Variants in CDK12 observed in about 807,000 individuals in gnomAD.
CDK12 encodes cyclin dependent kinase 12.
Under a neutral mutation model 133.8 loss-of-function variants are expected in CDK12, and 17 were observed. That is an observed-to-expected ratio of 0.13 (90% CI 0.09 to 0.19). The LOEUF (loss-of-function observed/expected upper bound fraction) is 0.19. Ranked by LOEUF, CDK12 falls within the 10% of genes least tolerant of loss-of-function variation. The pLI is 1.00. For missense variants in CDK12, 1,508 were observed against 1,818.7 expected, an observed-to-expected ratio of 0.83 and a Z score of 3.11; for synonymous variants, 694 against 683.6, an observed-to-expected ratio of 1.02 and a Z score of -0.24.
chr17:39,489,739 G>T (rs1328719269), intron 2 of CDK12, among the ~76,000 whole-genome samples: 1 of 141,896 alleles, frequency 7.0e-6, no homozygotes, highest in Non-Finnish European at 1.5e-5. Flanking sequence ...TGATCTGCCC[G>T]CCTCAGCCTC....
chr17:39,489,187 T>A (rs1339038947), intron 2 of CDK12, among the ~76,000 whole-genome samples: 1 of 151,588 alleles, frequency 6.6e-6, no homozygotes, highest in African/African-American at 2.4e-5. Flanking sequence ...TTCAAGCAGT[T>A]CTCCTGCCTC....
rs1395298423 is a variant in CDK12 at position 39,524,792 on chromosome 17, T to A, written c.3214T>A (p.Ser1072Thr). The change falls in exon 12 of 14, where the codon TCA becomes ACA. Residue 1072 changes from serine to threonine, a missense_variant. Physicochemically the swap from Ser to Thr is moderately conservative, Grantham distance 58 (BLOSUM62 1). This residue lies in a region of CDK12 where 399 missense variants were observed against 469.6 expected (regional missense o/e 0.85). Transcript: ENST00000447079. ...PSKTSRKETTSGTSTEPVKNS... is the reference protein window; with the variant it reads ...PSKTSRKETTTGTSTEPVKNS... Reference sequence around the variant, plus strand: ...CAAAACTTCTCGAAAAGAAACTACCTCAGGGACAAGTACTGAGCCTGTGAA... The same window carrying A: ...CAAAACTTCTCGAAAAGAAACTACCACAGGGACAAGTACTGAGCCTGTGAA... 6.2e-7 allele frequency: 1 copy of A among 1,614,162 alleles called. No individual in the cohort carries two copies. The highest frequency in any genetic ancestry group is 1.7e-5 in the Admixed American group (1 of 60,022).
Position 39,531,274 on chromosome 17 carries a change from A to G in CDK12, c.4431A>G (p.Arg1477=), listed in dbSNP as rs763653328. ...AYGKLYRGPT[R]VPPRGGRGRG... is the part of the protein sequence containing the mutation. ...GAAAACTCTATCGGGGGCCTACAAG[A>G]GTCCCACCAAGAGGGGGAAGAGGGA... The change falls in exon 14 of 14, where the codon AGA becomes AGG. Residue 1477 remains arginine (R), a synonymous_variant. Transcript: ENST00000447079. The G allele has an allele frequency of 2.0e-6, 3 of 1,501,576 alleles. No homozygotes were observed. The highest frequency in any genetic ancestry group is 2.7e-6 in the Non-Finnish European group (3 of 1,128,552). The allele number at this position is 1,501,576 out of a possible 1,614,324, so 93.0% of individuals were successfully genotyped here.
chr17:39,477,404 T>G (rs1181528584), intron 2 of CDK12, among the ~76,000 whole-genome samples: 1 of 148,550 alleles, frequency 6.7e-6, no homozygotes, highest in Admixed American at 6.8e-5. Flanking sequence ...CCCAGCTCAT[T>G]TTTTTGTATT....
chr17:39,530,500 G>C (rs1027524120), intron 13 of CDK12, 104 bp from the exon 14 acceptor site: 8 of 1,429,514 alleles, frequency 5.6e-6, no homozygotes, highest in Middle Eastern at 5.3e-4. Flanking sequence ...TATATATCTG[G>C]TTACTTATAT....
intron 12 of CDK12, 85 bp downstream of exon 12, chr17:39,524,970 G>T: frequency 8.3e-7 from 1 of 1,205,738 alleles, no homozygotes; most frequent in Non-Finnish European, 1.2e-6. Flanking sequence ...TTGTGTGTGT[G>T]TCTGTTTTTT....
intron 3 of CDK12, among the ~76,000 whole-genome samples, chr17:39,490,957 C>A (rs1442605146): frequency 6.6e-6 from 1 of 152,096 alleles, no homozygotes; most frequent in African/African-American, 2.4e-5. Flanking sequence ...AGAAAATTCC[C>A]AAATCCAGAT....
chr17:39,498,780 C>G (rs1225225776), intron 5 of CDK12, among the ~76,000 whole-genome samples: 3 of 152,030 alleles, frequency 2.0e-5, no homozygotes, highest in Non-Finnish European at 4.4e-5. Flanking sequence ...TCACCTCAGC[C>G]CCTCACAATG....
In CDK12 at chr17:39,530,914, C is replaced by T. The variant is rs1231248766; in HGVS notation, c.4071C>T (p.Asn1357=). ...GFSAIDTDER[N]SGPALTESLV... is the part of the protein sequence containing the mutation. ...GTGCCATTGACACTGATGAACGAAA[C>T]TCTGGTCCAGCCTTGACAGAATCCT... is the stretch of plus-strand genomic sequence containing the variant. The change falls in exon 14 of 14, where the codon AAC becomes AAT. Residue 1357 remains asparagine (N), a synonymous_variant. Transcript: ENST00000447079. The T allele has an allele frequency of 1.2e-6, 2 of 1,614,096 alleles. No individual in the cohort carries two copies. Among genetic ancestry groups the T allele is most frequent in the African/African-American group, 1.3e-5 (1 of 74,936 alleles).
At chr17:39,491,787 A>G (rs1252538106) in intron 3 of CDK12, among the ~76,000 whole-genome samples, 1 of 142,400 alleles carries the variant, frequency 7.0e-6, no homozygotes, top group African/African-American at 2.6e-5. Context: ...GTGTGTTTAT[A>G]TATTTCATAT....
chr17:39,554,793 C>T (rs2056086622), intron 2 of CDK12, among the ~76,000 whole-genome samples: 1 of 151,396 alleles, frequency 6.6e-6, no homozygotes, highest in Non-Finnish European at 1.5e-5. Flanking sequence ...GCAGGAGAAT[C>T]GCTTGAGCCC....
At chr17:39,544,446 T>C, upstream of CDK12, 1 of 253,632 alleles carries the variant, frequency 3.9e-6, no homozygotes, top group Non-Finnish European at 7.5e-6. Flanking sequence ...CCACCCCTGG[T>C]CTTAGAGAAG....
At chr17:39,484,843 T>G (rs2050985227) in intron 2 of CDK12, among the ~76,000 whole-genome samples, 1 of 152,090 alleles carries the variant, frequency 6.6e-6, no homozygotes, top group African/African-American at 2.4e-5. Flanking sequence ...TCCAGTATAA[T>G]GCAAATAATC....
intron 13 of CDK12, among the ~76,000 whole-genome samples, chr17:39,527,982 C>T (rs547058146): frequency 1.3e-5 from 2 of 152,120 alleles, no homozygotes; most frequent in Admixed American, 1.3e-4. Context: ...ATGGCGCGAT[C>T]TTGGTGCACT....
At chr17:39,475,212 G>A (rs931545093) in intron 2 of CDK12, among the ~76,000 whole-genome samples, 5 of 151,854 alleles carry the variant, frequency 3.3e-5, no homozygotes, top group Non-Finnish European at 7.4e-5. Flanking sequence ...CTTTGTGGAT[G>A]TAATCCCAGT....
chr17:39,511,383 T>A (rs912435854), intron 7 of CDK12, 146 bp from the exon 8 acceptor site: 2 of 562,044 alleles, frequency 3.6e-6, no homozygotes, highest in Non-Finnish European at 6.4e-6. Flanking sequence ...TTCTGAACAG[T>A]TTGCTTTTGG....
Position 39,562,595 on chromosome 17 carries a change from C to CA in CDK12, n.485-2164dup, listed in dbSNP as rs2056411897. ...TCTCAGCAAGTTTTTTATGTGATTA[C>CA]AGGCACTGCATGGTAATTAGTGCTA... On this transcript the variant is annotated intron_variant and non_coding_transcript_variant, in intron 3 of 3. Coordinates refer to the CDK12 transcript ENST00000558240. 3.3e-5 allele frequency among the ~76,000 whole-genome samples: 5 copies of CA among 152,270 alleles called. No homozygotes were observed. In the South Asian group the frequency reaches 1.0e-3, roughly 32 times the overall value.
At chr17:39,493,637 C>T (rs539358422) in intron 4 of CDK12, among the ~76,000 whole-genome samples, 3 of 152,042 alleles carry the variant, frequency 2.0e-5, no homozygotes, top group African/African-American at 4.8e-5. Flanking sequence ...ATTTTTAGTT[C>T]TAGTTTTGTC....
intron 10 of CDK12, among the ~76,000 whole-genome samples, chr17:39,519,005 G>T (rs952385503): frequency 4.6e-5 from 7 of 151,954 alleles, no homozygotes; most frequent in Non-Finnish European, 1.0e-4. Flanking sequence ...GGGTTTAAGT[G>T]ATTCTCCTGC....
Sources: gnomAD v4.1 joint callset for allele counts (sites outside exome capture counted in the v4.1 genomes callset) on GRCh38, gnomAD v4.1.1 for gene constraint, gnomAD v4.1.1 regional missense constraint, MANE v1.5 for transcripts, NCBI Gene and HGNC (gene_info 2026-07-23, HGNC 2026-07-21) for gene names.